The following TDRD9 variants were observed in gnomAD, a reference collection of about 807,000 sequenced individuals.
The protein encoded by TDRD9 is ATP-dependent RNA helicase TDRD9.
A neutral mutation model predicts 172.6 loss-of-function variants in TDRD9; 124 were observed. The observed-to-expected ratio is 0.72, with a 90% CI of 0.62 to 0.83. The LOEUF (loss-of-function observed/expected upper bound fraction) is 0.83, where lower values mean the gene tolerates loss of function less well. TDRD9 is among the 40% of genes least tolerant of loss of function. The pLI, the probability that TDRD9 is intolerant of heterozygous loss-of-function variation, is 0.00. For synonymous variants in TDRD9, 619 were observed against 617.1 expected, an observed-to-expected ratio of 1.00 and a Z score of -0.05; for missense variants, 1,479 against 1,714.1, an observed-to-expected ratio of 0.86 and a Z score of 2.42.
chr14:103,949,715 AG>A (rs2031758088), intron 1 of TDRD9, among the ~76,000 whole-genome samples: 1 of 152,204 alleles, frequency 6.6e-6, no homozygotes, highest in African/African-American at 2.4e-5. Context: ...GGTCTCACTC[AG>A]TCGCCCATGC....
At chr14:103,982,903 AAAAAC>A (rs1300188355) in intron 7 of TDRD9, among the ~76,000 whole-genome samples, 1 of 152,170 alleles carries the variant, frequency 6.6e-6, no homozygotes, top group African/African-American at 2.4e-5. Context: ...CTCCGTTTCA[AAAAAC>A]AAAACAAAAC....
chr14:104,050,091 G>A (rs2035897643), intron 35 of TDRD9, among the ~76,000 whole-genome samples: 1 of 152,160 alleles, frequency 6.6e-6, no homozygotes, highest in Non-Finnish European at 1.5e-5. Context: ...ACCACGGGTA[G>A]GGGCTTAGGA....
intron 20 of TDRD9, among the ~76,000 whole-genome samples, chr14:104,009,541 A>G (rs1042951312): frequency 6.6e-6 from 1 of 152,222 alleles, no homozygotes; most frequent in Non-Finnish European, 1.5e-5. Flanking sequence ...ACCACTGCAC[A>G]TGACTGTAGA....
chr14:103,975,378 T>G lies in TDRD9; in HGVS notation c.847-11T>G. On this transcript the variant is annotated splice_polypyrimidine_tract_variant and intron_variant, in intron 6 of 35. Transcript: ENST00000409874. ...CATTGTTTTATTTGAATGTTTTCTC[T>G]TACTCTGTAGGTGGTCCTGATGTCG... The G allele has an allele frequency of 6.2e-7, 1 of 1,606,042 alleles. No individual in the cohort carries two copies. Among genetic ancestry groups the G allele is most frequent in the South Asian group, 1.1e-5 (1 of 89,576 alleles).
At chr14:104,051,139 G>T (rs59108783) in intron 35 of TDRD9, among the ~76,000 whole-genome samples, 1 of 152,042 alleles carries the variant, frequency 6.6e-6, no homozygotes, top group Admixed American at 6.6e-5. Context: ...AGTGGTCCCC[G>T]GTGTTTCTTG....
In TDRD9 at chr14:104,024,724, A is replaced by C. The variant is rs1473385408; in HGVS notation, c.2718+44A>C. 4.5e-6 allele frequency: 5 copies of C among 1,119,160 alleles called. No homozygotes were observed. In the Admixed American group the frequency reaches 7.2e-5, roughly 16 times the overall value. 69.3% of individuals were successfully genotyped at this position (1,119,160 alleles called of 1,614,324 possible). Reference sequence around the variant, plus strand: ...AGCTTTTCCTTCTTCTTAATCTAAAATCATCATGTTGTATACAGGAAGTTT... The same window carrying C: ...AGCTTTTCCTTCTTCTTAATCTAAACTCATCATGTTGTATACAGGAAGTTT... On this transcript the variant is annotated intron_variant, in intron 25 of 35. Coordinates refer to ENST00000409874, the MANE Select transcript of TDRD9 (RefSeq NM_153046.3).
intron 27 of TDRD9, among the ~76,000 whole-genome samples, 192 bp downstream of exon 27, chr14:104,026,328 A>G (rs1221470390): frequency 1.3e-5 from 2 of 152,184 alleles, no homozygotes; most frequent in African/African-American, 4.8e-5. Flanking sequence ...AAGGATTCAG[A>G]TTTAGCAAAA....
intron 1 of TDRD9, among the ~76,000 whole-genome samples, chr14:103,948,636 A>G (rs1002793763): frequency 6.6e-6 from 1 of 152,104 alleles, no homozygotes; most frequent in African/African-American, 2.4e-5. Flanking sequence ...AGCCTTGAAA[A>G]GGAAGAAAAT....
chr14:104,030,458 T>A (rs936636164), intron 28 of TDRD9, among the ~76,000 whole-genome samples: 13 of 152,124 alleles, frequency 8.5e-5, no homozygotes, highest in African/African-American at 2.9e-4. Context: ...GCCATTGCAC[T>A]CCAGCCTGGG....
chr14:104,034,933 G>T, intron 31 of TDRD9, 27 bp from the exon 32 acceptor site: 1 of 1,531,846 alleles, frequency 6.5e-7, no homozygotes, highest in South Asian at 1.2e-5. Flanking sequence ...GTTAATGCCC[G>T]ATGTTGATTT....
chr14:104,022,777 T>C (rs2035002538), intron 24 of TDRD9, among the ~76,000 whole-genome samples: 1 of 133,996 alleles, frequency 7.5e-6, no homozygotes, highest in Non-Finnish European at 1.7e-5. Context: ...AGCACTGGCT[T>C]TGTGGTTGAG....
intron 32 of TDRD9, among the ~76,000 whole-genome samples, chr14:104,036,397 C>T (rs536952856): frequency 1.3e-5 from 2 of 152,158 alleles, no homozygotes; most frequent in Non-Finnish European, 2.9e-5. Context: ...TAAGTTCAGG[C>T]GTCTTGGAGC....
intron 18 of TDRD9, 40 bp from the exon 19 acceptor site, chr14:104,007,120 C>G (rs2034465927): frequency 1.9e-6 from 3 of 1,588,068 alleles, no homozygotes; most frequent in South Asian, 2.3e-5. Flanking sequence ...ATTCAGTGAG[C>G]CAACACATTA....
chr14:103,981,743 T>A (rs962117435), intron 7 of TDRD9, among the ~76,000 whole-genome samples: 1 of 152,214 alleles, frequency 6.6e-6, no homozygotes, highest in African/African-American at 2.4e-5. Context: ...GCCTATTTTA[T>A]AATAAAGTGT....
chr14:104,003,472 G>A (rs1445209099), intron 13 of TDRD9, among the ~76,000 whole-genome samples: 1 of 152,184 alleles, frequency 6.6e-6, no homozygotes, highest in African/African-American at 2.4e-5. Flanking sequence ...TTGCCAAGAG[G>A]CCTTCACCCT....
intron 34 of TDRD9, 125 bp from the exon 35 acceptor site, chr14:104,049,483 T>G (rs1596038406): frequency 1.4e-6 from 1 of 719,080 alleles, no homozygotes; most frequent in East Asian, 2.9e-5. Context: ...ATGTTGACCT[T>G]TAAACAGTTT....
chr14:104,009,147 A>G (rs1488538678), intron 20 of TDRD9, among the ~76,000 whole-genome samples: 1 of 152,204 alleles, frequency 6.6e-6, no homozygotes, highest in Non-Finnish European at 1.5e-5. Flanking sequence ...ATGTGACTGT[A>G]TTGAACACTG....
In TDRD9 at chr14:103,958,518, T is replaced by G. The variant is rs575180758; in HGVS notation, c.322+2748T>G. ...TAAAGGGGTCTTTGCAGATGCAAAT[T>G]AAGGATCTTGAGATGGGAAGATTTT... On this transcript the variant is annotated intron_variant, in intron 2 of 35. Transcript: ENST00000409874. 2.6e-5 allele frequency among the ~76,000 whole-genome samples: 4 copies of G among 152,288 alleles called. No individual in the cohort carries two copies. In the East Asian group the frequency reaches 7.7e-4, roughly 29 times the overall value.
At chr14:104,035,133 C>T (rs1395534293) in intron 32 of TDRD9, 77 bp downstream of exon 32, 17 of 1,178,156 alleles carry the variant, frequency 1.4e-5, no homozygotes, top group Non-Finnish European at 1.9e-5. Context: ...TCTCCTTGCT[C>T]CTTTTGGAAA....
Sources: allele counts gnomAD v4.1 joint callset (sites outside exome capture counted in the v4.1 genomes callset), GRCh38; gene constraint gnomAD v4.1.1; transcripts MANE v1.5; gene names NCBI Gene and HGNC (gene_info 2026-07-23, HGNC 2026-07-21).